The following SGK1 variants were observed in gnomAD, a reference collection of about 807,000 sequenced individuals.
SGK1 encodes the protein serum/glucocorticoid regulated kinase 1, also known as serine/threonine-protein kinase Sgk1.
A neutral mutation model predicts 64.2 loss-of-function variants in SGK1; 26 were observed. The ratio of observed to expected loss-of-function variants is 0.40; its 90% confidence interval spans 0.30 to 0.56. The LOEUF is 0.56. SGK1 is among the 20% of genes least tolerant of loss of function. The probability of loss-of-function intolerance (pLI) is 0.38; values close to 1 mark genes in which losing one functional copy is unlikely to be tolerated. For missense variants in SGK1, 519 were observed against 645.6 expected (o/e 0.80, Z 2.12); for synonymous variants, 265 against 239.7 (o/e 1.11, Z -0.98).
intron 1 of SGK1, among the ~76,000 whole-genome samples, chr6:134,269,616 C>T (rs867469692): frequency 1.4e-5 from 2 of 145,144 alleles, no homozygotes; most frequent in Middle Eastern, 3.2e-3. Context: ...CAAGATCGTG[C>T]CACTGCACTC....
chr6:134,277,005 G>A (rs932896985), intron 1 of SGK1, among the ~76,000 whole-genome samples: 4 of 152,046 alleles, frequency 2.6e-5, no homozygotes, highest in Non-Finnish European at 4.4e-5. Context: ...AACTGTGATT[G>A]TGCCACTGCA....
At chr6:134,222,432 T>C (rs1476194699) in intron 2 of SGK1, among the ~76,000 whole-genome samples, 3 of 150,964 alleles carry the variant, frequency 2.0e-5, no homozygotes, top group African/African-American at 7.3e-5. Flanking sequence ...GCCTCCCAGG[T>C]TCAAGCAATT....
intron 1 of SGK1, among the ~76,000 whole-genome samples, chr6:134,278,678 G>A (rs1582759593): frequency 6.6e-6 from 1 of 152,094 alleles, no homozygotes; most frequent in Admixed American, 6.6e-5. Context: ...CTGAAAACAG[G>A]AGGACAGTCA....
chr6:134,310,069 C>T (rs772294304), intron 1 of SGK1, among the ~76,000 whole-genome samples: 1 of 149,798 alleles, frequency 6.7e-6, no homozygotes. Context: ...GATGGCTCCA[C>T]CCCCCACGTT....
chr6:134,177,684 C>A, intron 3 of SGK1: 1 of 1,613,898 alleles, frequency 6.2e-7, no homozygotes, highest in East Asian at 2.2e-5. Flanking sequence ...GGTTTTATAG[C>A]TTCTTCTTTC....
chr6:134,229,191 G>A (rs902006303), intron 2 of SGK1, among the ~76,000 whole-genome samples: 2 of 152,194 alleles, frequency 1.3e-5, no homozygotes, highest in African/African-American at 2.4e-5. Flanking sequence ...ATACTAGGGA[G>A]GAGATTTACA....
rs765461666 is a variant in SGK1 at position 134,207,358 on chromosome 6, G to A, written c.359C>T (p.Pro120Leu). The A allele has an allele frequency of 3.1e-6, 5 of 1,600,634 alleles. No individual in the cohort carries two copies. The highest frequency in any genetic ancestry group is 4.5e-5 in the East Asian group (2 of 44,834). Residue 120 changes from proline to leucine, a missense_variant and splice_region_variant, in exon 3 of 14, where the codon CCA becomes CTA. Pro to Leu is a moderately conservative substitution (Grantham distance 98). This residue lies in a region of SGK1 where 241 missense variants were observed against 236.9 expected (regional missense o/e 1.02). Coordinates refer to ENST00000367858, the MANE Select transcript of SGK1 (RefSeq NM_001143676.3). ...AGGTTGTATTTTTCCAATAATACCT[G>A]GATCATCATTAGTCCAGAAGGTTCT... The part of the protein sequence containing the change: ...DPRTFWTNDD[P>L]AFMKQRRMGL...
At chr6:134,250,496 T>C (rs1440951586) in intron 2 of SGK1, among the ~76,000 whole-genome samples, 1 of 152,184 alleles carries the variant, frequency 6.6e-6, no homozygotes, top group Non-Finnish European at 1.5e-5. Context: ...CAATGACAAG[T>C]AAAAATAGAA....
At chr6:134,309,506 C>G (rs114294769) in intron 1 of SGK1, among the ~76,000 whole-genome samples, 1,835 of 152,250 alleles carry the variant, frequency 0.012, 38 homozygotes, top group African/African-American at 0.042. Context: ...GACCAAGGAC[C>G]AGGGTAGGTC....
At chr6:134,170,990 G>A in intron 12 of SGK1, 33 bp downstream of exon 12, 1 of 1,609,058 alleles carries the variant, frequency 6.2e-7, no homozygotes. Flanking sequence ...GCACGTCCCG[G>A]CCGGCCCAGG....
At chr6:134,288,828 C>A (rs1401219757) in intron 1 of SGK1, among the ~76,000 whole-genome samples, 1 of 152,066 alleles carries the variant, frequency 6.6e-6, no homozygotes, top group African/African-American at 2.4e-5. Context: ...AGGATGAAAC[C>A]AACACCAGGA....
At chr6:134,284,256 C>T (rs1294218072) in intron 1 of SGK1, among the ~76,000 whole-genome samples, 2 of 150,572 alleles carry the variant, frequency 1.3e-5, no homozygotes, top group Non-Finnish European at 3.0e-5. Context: ...CCACGCCTGG[C>T]AATTTTTGTA....
intron 2 of SGK1, among the ~76,000 whole-genome samples, chr6:134,220,079 A>T (rs1490854298): frequency 6.9e-6 from 1 of 144,290 alleles, no homozygotes; most frequent in Non-Finnish European, 1.5e-5. Flanking sequence ...AAAAAAAAAA[A>T]AAAAAAAAGA....
intron 1 of SGK1, among the ~76,000 whole-genome samples, chr6:134,307,275 G>A (rs1000093736): frequency 2.0e-5 from 3 of 152,186 alleles, no homozygotes; most frequent in African/African-American, 7.2e-5. Context: ...AAATAAATTA[G>A]ATATGACTGT....
intron 2 of SGK1, among the ~76,000 whole-genome samples, chr6:134,222,502 A>G (rs1290986588): frequency 6.6e-6 from 1 of 151,580 alleles, no homozygotes; most frequent in Non-Finnish European, 1.5e-5. Flanking sequence ...CGCCTGGCTA[A>G]TTTTTGTATT....
chr6:134,195,622 C>T (rs894005582), intron 3 of SGK1, among the ~76,000 whole-genome samples: 2 of 152,190 alleles, frequency 1.3e-5, no homozygotes, highest in African/African-American at 4.8e-5. Context: ...GAACTTGGAA[C>T]CATCTAAACC....
intron 2 of SGK1, chr6:134,211,512 CA>C (rs1775889560): frequency 6.3e-6 from 1 of 158,892 alleles, no homozygotes. Flanking sequence ...GCTTCTGCTC[CA>C]ACCAGCATGG....
chr6:134,215,042 G>T (rs771000643), intron 2 of SGK1: 5 of 455,502 alleles, frequency 1.1e-5, no homozygotes, highest in South Asian at 7.8e-5. Context: ...GGGGGTGTAT[G>T]AGAATATCAC....
chr6:134,249,808 G>A (rs1776579902), intron 2 of SGK1, among the ~76,000 whole-genome samples: 1 of 152,202 alleles, frequency 6.6e-6, no homozygotes, highest in Non-Finnish European at 1.5e-5. Context: ...CTTTCATGCT[G>A]GTGTCAGATT....
Sources: gnomAD v4.1 joint callset for allele counts (sites outside exome capture counted in the v4.1 genomes callset) on GRCh38, gnomAD v4.1.1 for gene constraint, gnomAD v4.1.1 regional missense constraint, MANE v1.5 for transcripts, NCBI Gene and HGNC (gene_info 2026-07-23, HGNC 2026-07-21) for gene names.